RPL36AL: variants seen among roughly 807,000 people sequenced by gnomAD.
The protein encoded by RPL36AL is ribosomal protein L36a like.
In RPL36AL, 8 loss-of-function variants were observed where a neutral mutation model predicts 7.9. The ratio of observed to expected loss-of-function variants is 1.02; its 90% CI spans 0.60 to 1.84. The LOEUF (loss-of-function observed/expected upper bound fraction) is 1.84. Among genes scored for constraint, RPL36AL ranks in the 40% most tolerant of loss-of-function variants. The pLI is 0.00. For missense variants in RPL36AL, 76 were observed against 126.8 expected (o/e 0.60, Z 1.93); for synonymous variants, 44 against 44.8 (o/e 0.98, Z 0.07).
intron 1 of RPL36AL, among the ~76,000 whole-genome samples, chr14:49,620,075 G>A (rs1882788378): frequency 6.6e-6 from 1 of 152,164 alleles, no homozygotes; most frequent in Non-Finnish European, 1.5e-5. Context: ...AATACAGTCC[G>A]TTTTCCGTAC....
intron 1 of RPL36AL, among the ~76,000 whole-genome samples, chr14:49,620,086 G>A (rs1344269355): frequency 6.6e-6 from 1 of 152,160 alleles, no homozygotes; most frequent in Non-Finnish European, 1.5e-5. Context: ...TTTTCCGTAC[G>A]AAATGAGTTT....
rs763657222 is a variant in RPL36AL, at chr14:49,619,000, G to A, written c.105C>T (p.Ala35=). Residue 35 remains alanine (A), a synonymous_variant, in exon 2 of 2, where the codon GCC becomes GCT. Coordinates refer to ENST00000298289, the MANE Select transcript of RPL36AL (RefSeq NM_001001.5). ...TCCGATCATAGCGCCTCCTTCCCTG[G>A]GCATACAAAGAATCCTTGCCCTTCT... ...QYKKGKDSLY[A]QGRRRYDRKQ... 1.2e-6 allele frequency: 2 copies of A among 1,613,826 alleles called. No individual in the cohort carries two copies. The highest frequency in any genetic ancestry group is 1.7e-6 in the Non-Finnish European group (2 of 1,179,850).
At chr14:49,619,556 A>AG (rs2139562964) in intron 1 of RPL36AL, among the ~76,000 whole-genome samples, 1 of 131,490 alleles carries the variant, frequency 7.6e-6, no homozygotes, top group Admixed American at 7.7e-5. Context: ...CGGGGTGGGG[A>AG]GGGGCGGAGG....
intron 1 of RPL36AL, 53 bp from the exon 2 acceptor site, chr14:49,619,193 G>T: frequency 8.3e-7 from 1 of 1,203,160 alleles, no homozygotes; most frequent in Non-Finnish European, 1.2e-6. Flanking sequence ...TCCGAAAAGT[G>T]AAAGTGCTAT....
At chr14:49,620,375 C>A (rs982121906) in intron 1 of RPL36AL, among the ~76,000 whole-genome samples, 187 bp downstream of exon 1, 2 of 152,254 alleles carry the variant, frequency 1.3e-5, no homozygotes, top group Non-Finnish European at 2.9e-5. Flanking sequence ...ATCAAGCCGG[C>A]GCGCCCCGCG....
rs1566501963 is a variant in RPL36AL, at chr14:49,618,761, A to T, written c.*23T>A. ...ATGGCTTCACCATTTTCTCTTCAAA[A>T]TTGAAGAAAAATATCCCAAAGTTTA... On this transcript the variant is annotated 3_prime_UTR_variant, in exon 2 of 2. Transcript: ENST00000298289. 1 of 1,580,304 alleles carries T rather than the reference A, an allele frequency of 6.3e-7. No homozygotes were observed. The highest frequency in any genetic ancestry group is 1.7e-5 in the Admixed American group (1 of 57,886).
In RPL36AL at chr14:49,618,722, C is replaced by T. The variant is rs544556425; in HGVS notation, c.*62G>A. 8.1e-6 allele frequency: 11 copies of T among 1,363,822 alleles called. No homozygotes were observed. Among genetic ancestry groups the T allele is most frequent in the African/African-American group, 2.9e-5 (2 of 68,972 alleles). The allele number at this position is 1,363,822 out of a possible 1,614,324, so 84.5% of individuals were successfully genotyped here. On this transcript the variant is annotated 3_prime_UTR_variant, in exon 2 of 2. Transcript: ENST00000298289. ...GAATATCACTGTATTTATTTTCCCT[C>T]GGGTAACTTTTCTATGGCTTCACCA...
At position 49,619,082 on chromosome 14, in the gene RPL36AL, C is replaced by T. The variant is rs781497118; in HGVS notation, c.23G>A (p.Arg8Gln). 2 of 1,612,008 alleles carry T rather than the reference C, an allele frequency of 1.2e-6. No homozygotes were observed. The highest frequency in any genetic ancestry group is 2.2e-5 in the East Asian group (1 of 44,852). ...GCCACACTTCTTACAGAAGGTTCTT[C>T]GGGTTTTAGGTACGTTGACCATCTT... MVNVPKT[R>Q]RTFCKKCGKH... Residue 8 changes from arginine (R) to glutamine (Q), a missense_variant, in exon 2 of 2, where the codon CGA (arginine) becomes CAA (glutamine). Arg to Gln is a conservative substitution (Grantham distance 43). Coordinates refer to ENST00000298289, the MANE Select transcript of RPL36AL (RefSeq NM_001001.5).
chr14:49,619,704 C>T (rs1437885026), intron 1 of RPL36AL, among the ~76,000 whole-genome samples: 1 of 152,002 alleles, frequency 6.6e-6, no homozygotes. Flanking sequence ...GGATTGCAAC[C>T]CAGAGCACAG....
At position 49,619,000 on chromosome 14, in the gene RPL36AL, G is replaced by C. The variant is rs763657222; in HGVS notation, c.105C>G (p.Ala35=). ...QYKKGKDSLY[A]QGRRRYDRKQ... ...TCCGATCATAGCGCCTCCTTCCCTG[G>C]GCATACAAAGAATCCTTGCCCTTCT... Residue 35 remains alanine (A), a synonymous_variant, in exon 2 of 2, where the codon GCC becomes GCG. Coordinates refer to ENST00000298289, the MANE Select transcript of RPL36AL (RefSeq NM_001001.5). 4 of 1,613,708 alleles carry C rather than the reference G, an allele frequency of 2.5e-6. No individual in the cohort carries two copies. The highest frequency in any genetic ancestry group is 1.7e-5 in the Admixed American group (1 of 59,972).
At chr14:49,620,273 G>T (rs1167025975) in intron 1 of RPL36AL, among the ~76,000 whole-genome samples, 3 of 151,188 alleles carry the variant, frequency 2.0e-5, no homozygotes, top group African/African-American at 7.3e-5. Context: ...GACCCGCCCC[G>T]TTCCTTCTAC....
At chr14:49,619,241 A>C in intron 1 of RPL36AL, 101 bp from the exon 2 acceptor site, 1 of 688,430 alleles carries the variant, frequency 1.5e-6, no homozygotes, top group Non-Finnish European at 2.4e-6. Flanking sequence ...ATAAATGAGT[A>C]ATATATAAAT....
chr14:49,619,625 C>G (rs1261191423), intron 1 of RPL36AL, among the ~76,000 whole-genome samples: 1 of 143,204 alleles, frequency 7.0e-6, no homozygotes, highest in Admixed American at 7.3e-5. Context: ...AGCGGAATTA[C>G]GTCTCAAAAA....
Position 49,618,609 on chromosome 14 carries a change from T to C in RPL36AL, c.*175A>G. ...TAAAGTAGTATTTTCCCTTCATACA[T>C]ATATAAACTTGTTAGTAAAGTTTGA... On this transcript the variant is annotated 3_prime_UTR_variant, in exon 2 of 2. Transcript: ENST00000298289. The C allele has an allele frequency of 1.7e-6, 1 of 599,530 alleles. No individual in the cohort carries two copies. Among genetic ancestry groups the C allele is most frequent in the Non-Finnish European group, 2.9e-6 (1 of 340,018 alleles). 37.1% of individuals were successfully genotyped at this position (599,530 alleles called of 1,614,324 possible).
At chr14:49,620,071 G>A (rs1882788294) in intron 1 of RPL36AL, among the ~76,000 whole-genome samples, 1 of 152,162 alleles carries the variant, frequency 6.6e-6, no homozygotes. Flanking sequence ...GCCCAATACA[G>A]TCCGTTTTCC....
At chr14:49,619,333 G>A (rs911869348) in intron 1 of RPL36AL, among the ~76,000 whole-genome samples, 193 bp from the exon 2 acceptor site, 5 of 152,158 alleles carry the variant, frequency 3.3e-5, no homozygotes, top group South Asian at 2.1e-4. Context: ...AATTACTGGA[G>A]GACTAATTTG....
intron 1 of RPL36AL, 88 bp downstream of exon 1, chr14:49,620,474 T>G (rs932142133): frequency 6.5e-6 from 1 of 153,366 alleles, no homozygotes; most frequent in Non-Finnish European, 1.5e-5. Flanking sequence ...GGTCTCGCCT[T>G]CCCTTTCCTA....
rs1882809216 is a variant in RPL36AL at position 49,620,608 on chromosome 14, G to A, written c.-83C>T. 1 of 224,326 alleles carries A rather than the reference G, an allele frequency of 4.5e-6. No individual in the cohort carries two copies. Among genetic ancestry groups the A allele is most frequent in the East Asian group, 1.1e-4 (1 of 9,510 alleles). The allele number at this position is 224,326 out of a possible 1,614,324, so 13.9% of individuals were successfully genotyped here. A position where few individuals can be genotyped will look rare whatever the true frequency, so the allele number is the denominator to read the frequency against. ...TGGCCCTTCGCAGCTCTCGCCTTTC[G>A]CAGCTCTCGCCTAACAGGAAAGGGA... On this transcript the variant is annotated 5_prime_UTR_variant, in exon 1 of 2. Coordinates refer to ENST00000298289, the MANE Select transcript of RPL36AL (RefSeq NM_001001.5).
chr14:49,619,072 G>A lies in RPL36AL; in HGVS notation c.33C>T (p.Phe11=), dbSNP rs1316274440. The change falls in exon 2 of 2, where the codon TTC becomes TTT. Residue 11 remains phenylalanine (F), a synonymous_variant. Coordinates refer to ENST00000298289, the MANE Select transcript of RPL36AL (RefSeq NM_001001.5). The part of the protein sequence containing the change: MVNVPKTRRT[F]CKKCGKHQPH... Reference sequence around the variant, plus strand: ...GCTGATGCTTGCCACACTTCTTACAGAAGGTTCTTCGGGTTTTAGGTACGT... The same window carrying A: ...GCTGATGCTTGCCACACTTCTTACAAAAGGTTCTTCGGGTTTTAGGTACGT... 2 of 1,613,014 alleles carry A rather than the reference G, an allele frequency of 1.2e-6. No individual in the cohort carries two copies. The highest frequency in any genetic ancestry group is 1.7e-6 in the Non-Finnish European group (2 of 1,179,090).
Sources: allele counts gnomAD v4.1 joint callset (sites outside exome capture counted in the v4.1 genomes callset), GRCh38; gene constraint gnomAD v4.1.1; transcripts MANE v1.5; gene names NCBI Gene and HGNC (gene_info 2026-07-23, HGNC 2026-07-21).